The following PIK3C3 variants were observed in gnomAD, a reference collection of about 807,000 sequenced individuals.
PIK3C3 encodes the protein PI3-kinase type 3.
PIK3C3 carries 95 observed loss-of-function variants against 126.1 expected under a neutral mutation model. The observed-to-expected ratio is 0.75, with a 90% CI of 0.64 to 0.89. The LOEUF is 0.89. Among genes scored for constraint, PIK3C3 ranks in the 40% least tolerant of loss-of-function variants. PIK3C3 has a pLI of 0.00. For missense variants in PIK3C3, 829 were observed against 1,063.2 expected, an observed-to-expected ratio of 0.78 and a Z score of 3.06; for synonymous variants, 374 against 360.0, an observed-to-expected ratio of 1.04 and a Z score of -0.44.
chr18:41,995,315 C>G (rs900696804), intron 7 of PIK3C3, among the ~76,000 whole-genome samples: 1 of 151,994 alleles, frequency 6.6e-6, no homozygotes, highest in Admixed American at 6.6e-5. Flanking sequence ...AGGAATATGA[C>G]ATAGACAATT....
intron 9 of PIK3C3, among the ~76,000 whole-genome samples, chr18:41,997,475 G>C (rs1982083033): frequency 6.6e-6 from 1 of 152,040 alleles, no homozygotes; most frequent in African/African-American, 2.4e-5. Flanking sequence ...GAAGCTTTTT[G>C]ACTACAGGCA....
At chr18:42,030,153 C>A (rs1983758833) in intron 15 of PIK3C3, among the ~76,000 whole-genome samples, 1 of 152,160 alleles carries the variant, frequency 6.6e-6, no homozygotes, top group African/African-American at 2.4e-5. Context: ...GAAAGAATCT[C>A]TAGAGATCAT....
chr18:42,086,565 A>C lies in PIK3C3; in HGVS notation c.*5428A>C, dbSNP rs750308945. 1 of 152,258 alleles carries C rather than the reference A, an allele frequency of 6.6e-6. No individual in the cohort carries two copies. Among genetic ancestry groups the C allele is most frequent in the Non-Finnish European group, 1.5e-5 (1 of 68,062 alleles). 9.4% of individuals were successfully genotyped at this position (152,258 alleles called of 1,614,324 possible). A position where few individuals can be genotyped will look rare whatever the true frequency, so the allele number is the denominator to read the frequency against. ...GTAAAGAAGCCAGCCAAAACCCACC[A>C]AAACCAAGACGGGAATGAAAGTGAC... is the stretch of plus-strand genomic sequence containing the variant. On this transcript the variant is annotated 3_prime_UTR_variant, in exon 25 of 25. Coordinates refer to ENST00000262039, the MANE Select transcript of PIK3C3 (RefSeq NM_002647.4).
rs140132875 is a variant in PIK3C3 at position 41,985,409 on chromosome 18, G to A, written c.532-2403G>A. 6.8e-3 allele frequency among the ~76,000 whole-genome samples: 1,028 copies of A among 152,230 alleles called. 2 individuals carry two copies. Among genetic ancestry groups the A allele is most frequent in the Non-Finnish European group, 0.011 (715 of 68,014 alleles). On this transcript the variant is annotated intron_variant, in intron 4 of 24. Coordinates refer to ENST00000262039, the MANE Select transcript of PIK3C3 (RefSeq NM_002647.4). ...CAAAGAAATACACAGAATTTTTGCT[G>A]TCAATCTCAAAGTCAGGTACAGGAG...
intron 1 of PIK3C3, 71 bp from the exon 2 acceptor site, chr18:41,957,499 T>A: frequency 7.0e-7 from 1 of 1,431,974 alleles, no homozygotes; most frequent in Non-Finnish European, 9.6e-7. Context: ...ATGTACATGC[T>A]TAGTACTTAT....
intron 24 of PIK3C3, among the ~76,000 whole-genome samples, chr18:42,071,766 G>T (rs1416032191): frequency 3.3e-5 from 5 of 150,312 alleles, no homozygotes; most frequent in African/African-American, 1.2e-4. Flanking sequence ...TTAGTTAGTT[G>T]TTCTAACTTA....
intron 21 of PIK3C3, chr18:42,049,897 C>T (rs1206178365): frequency 3.1e-5 from 6 of 195,432 alleles, no homozygotes; most frequent in African/African-American, 7.0e-5. Context: ...CGCTTGAACC[C>T]GGGAGGCGGA....
intron 14 of PIK3C3, 66 bp downstream of exon 14, chr18:42,027,614 T>G: frequency 1.2e-6 from 1 of 816,344 alleles, no homozygotes; most frequent in Admixed American, 2.0e-5. Context: ...GTTGCCTGTT[T>G]AGGAACATCC....
At chr18:42,072,394 T>A (rs969015428) in intron 24 of PIK3C3, among the ~76,000 whole-genome samples, 1 of 152,162 alleles carries the variant, frequency 6.6e-6, no homozygotes, top group Non-Finnish European at 1.5e-5. Flanking sequence ...CATCATGCAA[T>A]TCCTTAGGAA....
At chr18:41,984,937 CAT>C (rs1236519748) in intron 4 of PIK3C3, 3 of 152,174 alleles carry the variant, frequency 2.0e-5, no homozygotes, top group Admixed American at 6.6e-5. Context: ...GGTTTCTTCA[CAT>C]GTTAGGAACA....
chr18:42,028,823 A>G (rs369282280), intron 14 of PIK3C3, among the ~76,000 whole-genome samples: 1 of 152,232 alleles, frequency 6.6e-6, no homozygotes, highest in East Asian at 1.9e-4. Flanking sequence ...GAATCACTAC[A>G]TAGGACCGTA....
At chr18:42,067,898 C>T (rs1216104902) in intron 24 of PIK3C3, among the ~76,000 whole-genome samples, 2 of 152,224 alleles carry the variant, frequency 1.3e-5, no homozygotes, top group African/African-American at 4.8e-5. Flanking sequence ...ATCCACATCA[C>T]ACACCAGAAA....
At chr18:41,964,115 G>A (rs990799751) in intron 3 of PIK3C3, among the ~76,000 whole-genome samples, 17 of 151,912 alleles carry the variant, frequency 1.1e-4, no homozygotes, top group African/African-American at 3.9e-4. Context: ...TAAAATCTTT[G>A]ATTTATCTAA....
chr18:42,062,506 C>T (rs145261416), intron 22 of PIK3C3, among the ~76,000 whole-genome samples: 1 of 152,052 alleles, frequency 6.6e-6, no homozygotes, highest in Non-Finnish European at 1.5e-5. Context: ...ATGTATAGCC[C>T]AAGACAATTC....
intron 10 of PIK3C3, among the ~76,000 whole-genome samples, chr18:42,009,069 A>G (rs986364435): frequency 1.3e-5 from 2 of 152,200 alleles, no homozygotes; most frequent in Admixed American, 6.5e-5. Flanking sequence ...GATACCTGCC[A>G]TTAAACATAT....
At chr18:42,022,652 G>GT (rs1258598574) in intron 13 of PIK3C3, among the ~76,000 whole-genome samples, 1 of 142,552 alleles carries the variant, frequency 7.0e-6, no homozygotes, top group South Asian at 2.1e-4. Context: ...GGTTGTGTTT[G>GT]TTTTTTTCTG....
chr18:42,080,520 G>A (rs531425716), intron 24 of PIK3C3, among the ~76,000 whole-genome samples: 137 of 152,226 alleles, frequency 9.0e-4, no homozygotes, highest in African/African-American at 3.2e-3. Context: ...CAAACAAAAA[G>A]GGCACGAGTT....
chr18:41,964,161 G>C (rs1980238652), intron 3 of PIK3C3, among the ~76,000 whole-genome samples: 1 of 152,040 alleles, frequency 6.6e-6, no homozygotes, highest in African/African-American at 2.4e-5. Context: ...AGTGAGAATA[G>C]CTTTTTAGAG....
chr18:42,033,837 A>G lies in PIK3C3; in HGVS notation c.1719A>G (p.Leu573=), dbSNP rs61755376. The G allele has an allele frequency of 4.1e-5, 66 of 1,602,532 alleles. No individual in the cohort carries two copies. The highest frequency in any genetic ancestry group is 6.7e-5 in the South Asian group (6 of 89,448). The change falls in exon 16 of 25, where the codon CTA becomes CTG. Residue 573 remains leucine (L), a synonymous_variant. Coordinates refer to ENST00000262039, the MANE Select transcript of PIK3C3 (RefSeq NM_002647.4). ...CTGATTTGTTCTAGAATGAGAGACT[A>G]CAGGCATTGCTTGGAGATAATGAAA... The part of the protein sequence containing the change: ...SGNRKKKNER[L]QALLGDNEKM...
Sources: allele counts gnomAD v4.1 joint callset (sites outside exome capture counted in the v4.1 genomes callset), GRCh38; gene constraint gnomAD v4.1.1; transcripts MANE v1.5; gene names NCBI Gene and HGNC (gene_info 2026-07-23, HGNC 2026-07-21).